TMEM163: variants seen among roughly 807,000 people sequenced by gnomAD.
The protein encoded by TMEM163 is transmembrane protein 163.
Under a neutral mutation model 29.3 loss-of-function variants are expected in TMEM163, and 17 were observed. That is an observed-to-expected ratio of 0.58 (90% confidence interval 0.40 to 0.87). TMEM163 has a LOEUF of 0.87. Among genes scored for constraint, TMEM163 ranks in the 40% least tolerant of loss-of-function variants. The probability of loss-of-function intolerance (pLI) is 0.00; values close to 1 mark genes in which losing one functional copy is unlikely to be tolerated. For synonymous variants in TMEM163, 157 were observed against 160.6 expected, an observed-to-expected ratio of 0.98 and a Z score of 0.17; for missense variants, 303 against 381.5, an observed-to-expected ratio of 0.79 and a Z score of 1.71.
At chr2:134,642,409 C>A (rs1178823735) in intron 2 of TMEM163, among the ~76,000 whole-genome samples, 1 of 152,162 alleles carries the variant, frequency 6.6e-6, no homozygotes, top group Admixed American at 6.5e-5. Flanking sequence ...GCATTACAGG[C>A]ACGAGCCACC....
At chr2:134,589,262 C>A (rs942856042) in intron 2 of TMEM163, among the ~76,000 whole-genome samples, 1 of 152,192 alleles carries the variant, frequency 6.6e-6, no homozygotes, top group African/African-American at 2.4e-5. Context: ...TGAACCAGAG[C>A]AACTCCATCT....
intron 4 of TMEM163, among the ~76,000 whole-genome samples, chr2:134,507,018 C>G (rs1191834822): frequency 1.3e-5 from 2 of 152,086 alleles, no homozygotes; most frequent in Non-Finnish European, 2.9e-5. Context: ...AGCATAATCC[C>G]CCAGTCAACC....
chr2:134,625,193 G>A (rs1024791422), intron 2 of TMEM163, among the ~76,000 whole-genome samples: 39 of 152,212 alleles, frequency 2.6e-4, no homozygotes, highest in Admixed American at 7.2e-4. Flanking sequence ...AAAAGTTTGT[G>A]TCCACTACCA....
Position 134,552,069 on chromosome 2 carries a change from G to A in TMEM163, c.345C>T (p.Ser115=), listed in dbSNP as rs767441551. 3.8e-5 allele frequency: 61 copies of A among 1,612,890 alleles called. 1 individual carries two copies. The highest frequency in any genetic ancestry group is 3.3e-4 in the Middle Eastern group (2 of 6,080). ...TTACTGCAAACCCAAAAGCAGAGGC[G>A]CTGTACCTCATAACGGAGACAGCTA... ...AAFTVSVMRY[S]ASAFGFAFDA... The change falls in exon 3 of 8, where the codon AGC becomes AGT. Residue 115 remains serine, a synonymous_variant. Coordinates refer to ENST00000281924, the MANE Select transcript of TMEM163 (RefSeq NM_030923.5).
intron 2 of TMEM163, among the ~76,000 whole-genome samples, chr2:134,659,268 A>G (rs770477057): frequency 1.4e-4 from 21 of 152,194 alleles, no homozygotes; most frequent in Non-Finnish European, 2.4e-4. Context: ...AATCTATAGG[A>G]CCACTGTCAT....
intron 2 of TMEM163, among the ~76,000 whole-genome samples, chr2:134,582,134 C>T (rs1178866603): frequency 5.9e-5 from 9 of 152,252 alleles, no homozygotes; most frequent in African/African-American, 1.2e-4. Flanking sequence ...ACAAGAAGAT[C>T]GCCATGTGCT....
intron 2 of TMEM163, among the ~76,000 whole-genome samples, chr2:134,644,642 G>A (rs1683294998): frequency 6.6e-6 from 1 of 152,106 alleles, no homozygotes; most frequent in South Asian, 2.1e-4. Flanking sequence ...AAATCTAAGT[G>A]TAAAACATAA....
chr2:134,642,281 A>G (rs987564191), intron 2 of TMEM163, among the ~76,000 whole-genome samples: 9 of 152,132 alleles, frequency 5.9e-5, no homozygotes, highest in Non-Finnish European at 1.2e-4. Context: ...GGCATGCACC[A>G]TCATGCCCAG....
intron 4 of TMEM163, among the ~76,000 whole-genome samples, chr2:134,529,510 G>A (rs536710006): frequency 6.6e-6 from 1 of 150,554 alleles, no homozygotes; most frequent in African/African-American, 2.4e-5. Flanking sequence ...CACTTTGGGG[G>A]GTCAAGGCAG....
chr2:134,564,626 A>G (rs1258627303), intron 2 of TMEM163, among the ~76,000 whole-genome samples: 2 of 152,232 alleles, frequency 1.3e-5, no homozygotes, highest in Non-Finnish European at 2.9e-5. Flanking sequence ...GGGGACTTAT[A>G]TCCAGAACAT....
intron 4 of TMEM163, among the ~76,000 whole-genome samples, chr2:134,537,001 T>C (rs1355728660): frequency 3.9e-5 from 6 of 152,088 alleles, no homozygotes; most frequent in Admixed American, 2.0e-4. Context: ...ACAAAAAAGA[T>C]AGTTATAAGG....
At chr2:134,631,219 G>A (rs75535747) in intron 2 of TMEM163, among the ~76,000 whole-genome samples, 5,924 of 152,194 alleles carry the variant, frequency 0.039, 170 homozygotes, top group Admixed American at 0.083. Flanking sequence ...TCCGACATTC[G>A]CAGGCAGTTG....
intron 5 of TMEM163, among the ~76,000 whole-genome samples, chr2:134,492,636 A>G (rs956606526): frequency 6.6e-6 from 1 of 152,174 alleles, no homozygotes; most frequent in Admixed American, 6.5e-5. Flanking sequence ...TGCTTCTGGT[A>G]CCCACCTTCA....
chr2:134,593,907 T>C (rs1182142468), intron 2 of TMEM163, among the ~76,000 whole-genome samples: 2 of 151,624 alleles, frequency 1.3e-5, no homozygotes, highest in Non-Finnish European at 2.9e-5. Flanking sequence ...TCAGCCCCCA[T>C]CTAGCCTTCC....
At chr2:134,456,952 C>T (rs1221816427) in intron 7 of TMEM163, among the ~76,000 whole-genome samples, 176 bp from the exon 8 acceptor site, 1 of 152,036 alleles carries the variant, frequency 6.6e-6, no homozygotes, top group Non-Finnish European at 1.5e-5. Context: ...ACCCCATGTC[C>T]ACTGTACCAT....
chr2:134,660,575 G>A (rs938973881), intron 2 of TMEM163, among the ~76,000 whole-genome samples: 2 of 152,170 alleles, frequency 1.3e-5, no homozygotes, highest in Admixed American at 6.5e-5. Flanking sequence ...AGCAGTGCAT[G>A]CTTTAAGGTG....
chr2:134,540,609 G>A (rs146662032), intron 4 of TMEM163, among the ~76,000 whole-genome samples: 5 of 152,308 alleles, frequency 3.3e-5, no homozygotes, highest in Non-Finnish European at 7.4e-5. Flanking sequence ...TGGAGAGATA[G>A]CATTGCATAG....
At chr2:134,689,923 T>C (rs1279484351) in intron 2 of TMEM163, among the ~76,000 whole-genome samples, 1 of 151,968 alleles carries the variant, frequency 6.6e-6, no homozygotes, top group Non-Finnish European at 1.5e-5. Flanking sequence ...GGTTTGTTTG[T>C]TTGTTTGTTT....
chr2:134,488,823 C>A (rs536528544), intron 5 of TMEM163, among the ~76,000 whole-genome samples: 1 of 152,196 alleles, frequency 6.6e-6, no homozygotes, highest in African/African-American at 2.4e-5. Context: ...ACATATAAAG[C>A]AGCAATTTAT....
Sources: allele counts gnomAD v4.1 joint callset (sites outside exome capture counted in the v4.1 genomes callset), GRCh38; gene constraint gnomAD v4.1.1; transcripts MANE v1.5; gene names NCBI Gene and HGNC (gene_info 2026-07-23, HGNC 2026-07-21).